The following MYCBP variants were observed in gnomAD, a reference collection of about 807,000 sequenced individuals.
MYCBP encodes C-Myc-binding protein.
MYCBP carries 5 observed loss-of-function variants against 16.8 expected under a neutral mutation model. The ratio of observed to expected loss-of-function variants is 0.30; its 90% CI spans 0.16 to 0.63. The LOEUF (loss-of-function observed/expected upper bound fraction) is 0.63, where lower values mean the gene tolerates loss of function less well. Among genes scored for constraint, MYCBP ranks in the 20% least tolerant of loss-of-function variants. The probability of loss-of-function intolerance (pLI) is 0.83; values close to 1 mark genes in which losing one functional copy is unlikely to be tolerated. For missense variants in MYCBP, 103 were observed against 121.8 expected (o/e 0.85, Z 0.73); for synonymous variants, 35 against 43.7 (o/e 0.80, Z 0.79).
At position 38,864,690 on chromosome 1, in the gene MYCBP, C is replaced by A. The variant is rs1402312560; in HGVS notation, c.292G>T (p.Glu98Ter). ...GAATCCTATTCAGCACGCTTCTCCT[C>A]CTGAGGTGGTTCATACTGAGCAAGC... ...AKLAQYEPPQ[E>*]EKRAE Residue 98 changes from glutamate (E) to a stop codon, truncating the protein, a stop_gained, in exon 5 of 5, where the codon GAG becomes TAG. Transcript: ENST00000397572. LOFTEE classifies it high-confidence loss of function. 6.2e-7 allele frequency: 1 copy of A among 1,613,894 alleles called. No individual in the cohort carries two copies. Among genetic ancestry groups the A allele is most frequent in the East Asian group, 2.2e-5 (1 of 44,814 alleles).
intron 3 of MYCBP, among the ~76,000 whole-genome samples, 188 bp downstream of exon 3, chr1:38,867,374 G>C (rs1453360034): frequency 1.3e-5 from 2 of 151,540 alleles, no homozygotes; most frequent in Non-Finnish European, 2.9e-5. Flanking sequence ...TTGAAGCCAG[G>C]AGGCGGAGGT....
At chr1:38,865,336 G>A (rs915274271) in intron 4 of MYCBP, among the ~76,000 whole-genome samples, 1 of 152,146 alleles carries the variant, frequency 6.6e-6, no homozygotes, top group Non-Finnish European at 1.5e-5. Context: ...CCTATAAAGT[G>A]GCTTGTGTAC....
chr1:38,864,866 G>A lies in MYCBP; in HGVS notation c.268-152C>T, dbSNP rs72925132. ...AACTATCCATTTTAAATCATTCAGT[G>A]ATTTAAGATTTAATACAATCAAATC... is the stretch of plus-strand genomic sequence containing the variant. On this transcript the variant is annotated intron_variant, in intron 4 of 4. Transcript: ENST00000397572. 5,211 of 705,510 alleles carry A rather than the reference G, an allele frequency of 7.4e-3. 205 individuals are homozygous for A. In the African/African-American group the frequency reaches 0.085, roughly 11 times the overall value. The allele number at this position is 705,510 out of a possible 1,614,324, so 43.7% of individuals were successfully genotyped here.
chr1:38,869,081 GTTTTT>G (rs959925576), intron 2 of MYCBP, among the ~76,000 whole-genome samples: 1 of 139,012 alleles, frequency 7.2e-6, no homozygotes, highest in African/African-American at 2.6e-5. Context: ...AATTCATTTG[GTTTTT>G]TTTTTTTGTT....
chr1:38,870,750 G>A (rs58399103), intron 2 of MYCBP, among the ~76,000 whole-genome samples: 3,494 of 121,874 alleles, frequency 0.029, 148 homozygotes, highest in African/African-American at 0.099. Flanking sequence ...CCGAGATTGC[G>A]CCACTGCAGT....
rs1246622614 is a variant in MYCBP, at chr1:38,872,898, G to A, written c.88+120C>T. Reference sequence around the variant, plus strand: ...GCTGAACCCCGAGGCCCACCTCGCTGGACCCCGGACGGGCCCCATCTGTTT... The same window carrying A: ...GCTGAACCCCGAGGCCCACCTCGCTAGACCCCGGACGGGCCCCATCTGTTT... On this transcript the variant is annotated intron_variant, in intron 2 of 4. Coordinates refer to ENST00000397572, the MANE Select transcript of MYCBP (RefSeq NM_012333.5). 7 of 1,205,120 alleles carry A rather than the reference G, an allele frequency of 5.8e-6. No homozygotes were observed. In the African/African-American group the frequency reaches 7.6e-5, roughly 13 times the overall value. The allele number at this position is 1,205,120 out of a possible 1,614,324, so 74.7% of individuals were successfully genotyped here. A position where few individuals can be genotyped will look rare whatever the true frequency, so the allele number is the denominator to read the frequency against.
In MYCBP at chr1:38,873,309, G is replaced by T. The variant is rs201490096; in HGVS notation, c.-4C>A. ...CCCTCACTTTGTAATGGGCCATAGT[G>T]ACAGCGGCAGCGGCGTAGCTGGCGC... On this transcript the variant is annotated 5_prime_UTR_variant, in exon 1 of 5. Transcript: ENST00000397572. 2.6e-5 allele frequency: 41 copies of T among 1,602,174 alleles called. No homozygotes were observed. Among genetic ancestry groups the T allele is most frequent in the Non-Finnish European group, 3.4e-5 (40 of 1,178,892 alleles).
chr1:38,869,186 T>C (rs1165739293), intron 2 of MYCBP, among the ~76,000 whole-genome samples: 1 of 151,746 alleles, frequency 6.6e-6, no homozygotes, highest in Non-Finnish European at 1.5e-5. Flanking sequence ...CCTCCCAGGT[T>C]CAAGCGATTC....
chr1:38,864,478 C>T lies in MYCBP; in HGVS notation c.*192G>A, dbSNP rs984285364. The stretch of plus-strand genomic sequence containing the variant: ...TTGTTCAGGATTTACTTTGGATTCT[C>T]CTGCTTTAAGACCCAAAGAAAGTTA... On this transcript the variant is annotated 3_prime_UTR_variant, in exon 5 of 5. Coordinates refer to ENST00000397572, the MANE Select transcript of MYCBP (RefSeq NM_012333.5). The T allele has an allele frequency of 1.6e-6, 1 of 623,316 alleles. No homozygotes were observed. The highest frequency in any genetic ancestry group is 1.9e-5 in the African/African-American group (1 of 53,878). The allele number at this position is 623,316 out of a possible 1,614,324, so 38.6% of individuals were successfully genotyped here.
intron 2 of MYCBP, among the ~76,000 whole-genome samples, chr1:38,869,935 G>A (rs370727873): frequency 5.7e-4 from 87 of 152,058 alleles, no homozygotes; most frequent in East Asian, 4.8e-3. Context: ...TTGGTAGGCC[G>A]AGGCAGGCAG....
chr1:38,872,795 A>G (rs1642493348), intron 2 of MYCBP, among the ~76,000 whole-genome samples: 2 of 152,284 alleles, frequency 1.3e-5, no homozygotes, highest in Non-Finnish European at 2.9e-5. Flanking sequence ...AACAGCTGCA[A>G]GAGTTTCACT....
In MYCBP at chr1:38,863,168, C is replaced by T. The variant is rs1642274936; in HGVS notation, c.*1502G>A. 6.6e-6 allele frequency: 1 copy of T among 152,216 alleles called. No individual in the cohort carries two copies. The highest frequency in any genetic ancestry group is 6.5e-5 in the Admixed American group (1 of 15,270). The allele number at this position is 152,216 out of a possible 1,614,324, so 9.4% of individuals were successfully genotyped here. ...GCAAGGGAATGATCTTCTGGACCCC[C>T]TCCAAAAACAAACTTGTGACTAGAA... On this transcript the variant is annotated 3_prime_UTR_variant, in exon 5 of 5. Transcript: ENST00000397572.
At chr1:38,867,645 C>T (rs762413034) in intron 2 of MYCBP, 35 bp from the exon 3 acceptor site, 11 of 1,596,646 alleles carry the variant, frequency 6.9e-6, no homozygotes, top group African/African-American at 1.3e-5. Flanking sequence ...CAACAATTGA[C>T]GTATTAAATT....
chr1:38,869,094 G>A (rs865775498), intron 2 of MYCBP, among the ~76,000 whole-genome samples: 1 of 126,680 alleles, frequency 7.9e-6, no homozygotes, highest in Admixed American at 7.8e-5. Flanking sequence ...TTTTTTTTTT[G>A]TTTTTTTTTT....
chr1:38,872,707 T>C (rs1292093688), intron 2 of MYCBP: 2 of 412,440 alleles, frequency 4.8e-6, no homozygotes, highest in African/African-American at 2.1e-5. Context: ...GTGGGAGGAA[T>C]TGGGATCTGA....
rs766667150 is a variant in MYCBP at position 38,873,280 on chromosome 1, G to T, written c.15+11C>A. 10 of 1,600,946 alleles carry T rather than the reference G, an allele frequency of 6.2e-6. No individual in the cohort carries two copies. In the East Asian group the frequency reaches 2.0e-4, roughly 32 times the overall value. On this transcript the variant is annotated intron_variant, in intron 1 of 4. Transcript: ENST00000397572. ...GCCCGCATGCCCCCAGCCACGCCGC[G>T]CCCCCCTCACTTTGTAATGGGCCAT...
rs925758350 is a variant in MYCBP, at chr1:38,872,948, C to T, written c.88+70G>A. On this transcript the variant is annotated intron_variant, in intron 2 of 4. Coordinates refer to ENST00000397572, the MANE Select transcript of MYCBP (RefSeq NM_012333.5). The stretch of plus-strand genomic sequence containing the variant: ...TCCCCTCCTTCCCCACGCTACGGCC[C>T]GCTGGGGAACGGGGCAGCGCCGGGG... 7.3e-6 allele frequency: 11 copies of T among 1,512,956 alleles called. 1 individual carries two copies. In the South Asian group the frequency reaches 1.3e-4, roughly 18 times the overall value. 93.7% of individuals were successfully genotyped at this position (1,512,956 alleles called of 1,614,324 possible). A position where few individuals can be genotyped will look rare whatever the true frequency, so the allele number is the denominator to read the frequency against.
chr1:38,862,525 C>A lies in MYCBP; in HGVS notation c.*2145G>T, dbSNP rs1056733320. Among the ~76,000 whole-genome samples the A allele has an allele frequency of 2.0e-5, 3 of 152,156 alleles. No homozygotes were observed. The South Asian group carries it at 6.2e-4, about 32-fold the overall frequency. On this transcript the variant is annotated 3_prime_UTR_variant, in exon 5 of 5. Transcript: ENST00000397572. ...TCCATTATATTTAATTTGATTCTTA[C>A]AACCAACTTGTGAGATAGGCAAGAT...
At chr1:38,871,011 G>A (rs111622420) in intron 2 of MYCBP, among the ~76,000 whole-genome samples, 4,240 of 152,132 alleles carry the variant, frequency 0.028, 83 homozygotes, top group Non-Finnish European at 0.043. Flanking sequence ...GGGCTGAGGT[G>A]AGCGGATCAC....
Sources: gnomAD v4.1 joint callset for allele counts (sites outside exome capture counted in the v4.1 genomes callset) on GRCh38, gnomAD v4.1.1 for gene constraint, MANE v1.5 for transcripts, NCBI Gene and HGNC (gene_info 2026-07-23, HGNC 2026-07-21) for gene names.